The following ALLC variants were observed in gnomAD, a reference collection of about 807,000 sequenced individuals.
The protein encoded by ALLC is allantoicase, also known as probable inactive allantoicase.
A neutral mutation model predicts 45.0 loss-of-function variants in ALLC; 40 were observed. The ratio of observed to expected loss-of-function variants is 0.89; its 90% CI spans 0.69 to 1.16. The LOEUF is 1.16. ALLC is among the 50% of genes most tolerant of loss of function. ALLC has a pLI of 0.00. For missense variants in ALLC, 488 were observed against 493.1 expected (o/e 0.99, Z 0.10); for synonymous variants, 176 against 178.1 (o/e 0.99, Z 0.09).
intron 2 of ALLC, among the ~76,000 whole-genome samples, chr2:3,672,037 A>AGTTAGATCCGAGGTCCTCTGGCTCTG (rs1666890483): frequency 2.7e-5 from 2 of 72,816 alleles, no homozygotes; most frequent in Non-Finnish European, 5.3e-5. Context: ...CTCTGGCTCT[A>AGTTAGATCCGAGGTCCTCTGGCTCTG]GTTAGACCTG....
chr2:3,667,496 G>A (rs1421700491), intron 1 of ALLC, among the ~76,000 whole-genome samples: 7 of 152,210 alleles, frequency 4.6e-5, no homozygotes, highest in Non-Finnish European at 1.5e-5. Flanking sequence ...GATACATCGC[G>A]GTTGGCCATA....
At chr2:3,700,642 T>C (rs572734373) in intron 10 of ALLC, among the ~76,000 whole-genome samples, 2 of 152,266 alleles carry the variant, frequency 1.3e-5, no homozygotes, top group East Asian at 1.9e-4. Context: ...AATAATATAG[T>C]AGGTTATATC....
chr2:3,674,520 T>C (rs1214391924), intron 3 of ALLC, among the ~76,000 whole-genome samples: 2 of 152,152 alleles, frequency 1.3e-5, no homozygotes, highest in Non-Finnish European at 2.9e-5. Flanking sequence ...CTGACGAACA[T>C]AGGGAAGAAA....
At chr2:3,654,876 C>T (rs550421821), upstream of ALLC, among the ~76,000 whole-genome samples, 2 of 152,218 alleles carry the variant, frequency 1.3e-5, no homozygotes, top group African/African-American at 2.4e-5. Flanking sequence ...GCGAAGGTTG[C>T]CATGGATAAA....
intron 1 of ALLC, among the ~76,000 whole-genome samples, chr2:3,661,181 G>A (rs1372736716): frequency 1.3e-5 from 2 of 152,098 alleles, no homozygotes; most frequent in African/African-American, 4.8e-5. Flanking sequence ...GTATAATAAT[G>A]TGTGACTCCA....
intron 6 of ALLC, among the ~76,000 whole-genome samples, chr2:3,682,552 G>T (rs2148008500): frequency 6.6e-6 from 1 of 152,290 alleles, no homozygotes; most frequent in Non-Finnish European, 1.5e-5. Flanking sequence ...TTGGGACGGA[G>T]TCTCGCTCTG....
intron 7 of ALLC, 39 bp downstream of exon 7, chr2:3,683,113 CTTTAT>C (rs1228886848): frequency 3.8e-6 from 6 of 1,579,450 alleles, no homozygotes; most frequent in Non-Finnish European, 5.1e-6. Context: ...TCCATGGCTT[CTTTAT>C]TTTATGTTGA....
intron 10 of ALLC, among the ~76,000 whole-genome samples, chr2:3,699,272 G>A (rs560633726): frequency 6.6e-6 from 1 of 152,136 alleles, no homozygotes; most frequent in Non-Finnish European, 1.5e-5. Context: ...TTCTGTTCCT[G>A]CGTTAGTTTG....
chr2:3,665,963 T>C (rs1386897062), intron 1 of ALLC, among the ~76,000 whole-genome samples: 1 of 152,208 alleles, frequency 6.6e-6, no homozygotes, highest in African/African-American at 2.4e-5. Flanking sequence ...TTCTCTTTCT[T>C]TTGATCTCTT....
rs368293033 is a variant in ALLC at position 3,678,516 on chromosome 2, T to C, written c.133T>C (p.Trp45Arg). 6.0e-5 allele frequency: 97 copies of C among 1,613,886 alleles called. No homozygotes were observed. In the African/African-American group the frequency reaches 1.2e-3, roughly 20 times the overall value. ...GCATGAATATACGGAGTTTGGGAAA[T>C]GGATGGATGGCTGGGAGACCAGGAG... ...KEHEYTEFGKWMDGWETRRKR... is the reference protein window; with the variant it reads ...KEHEYTEFGKRMDGWETRRKR... Residue 45 changes from tryptophan to arginine, a missense_variant, in exon 4 of 12, where the codon TGG (tryptophan) becomes CGG (arginine). Physicochemically the swap from Trp to Arg is moderately radical, Grantham distance 101 (BLOSUM62 -3). Transcript: ENST00000252505.
At chr2:3,662,094 C>G (rs993150052) in intron 1 of ALLC, among the ~76,000 whole-genome samples, 12 of 152,220 alleles carry the variant, frequency 7.9e-5, no homozygotes, top group Admixed American at 6.5e-4. Context: ...TCTTTTGAAG[C>G]CTGATTCAAA....
intron 7 of ALLC, among the ~76,000 whole-genome samples, chr2:3,683,561 C>G (rs186588812): frequency 6.6e-6 from 1 of 152,176 alleles, no homozygotes; most frequent in East Asian, 1.9e-4. Context: ...CCTCATCTTC[C>G]CTATCCCAAA....
At chr2:3,666,539 C>A (rs10173297) in intron 1 of ALLC, among the ~76,000 whole-genome samples, 28,984 of 152,166 alleles carry the variant, frequency 0.19, 3,506 homozygotes, top group African/African-American at 0.33. Context: ...ACCCTTCGAC[C>A]CACAGCCTCC....
At chr2:3,651,404 T>A in the ALLC span, among the ~76,000 whole-genome samples, 2 of 36,088 alleles carry the variant, frequency 5.5e-5, no homozygotes, top group Admixed American at 4.2e-4. Flanking sequence ...TGTGTGTGTG[T>A]GTGTGTGTGT....
chr2:3,651,309 TGG>T, the ALLC span, among the ~76,000 whole-genome samples: 4 of 11,606 alleles, frequency 3.4e-4, no homozygotes, highest in East Asian at 2.8e-3. Flanking sequence ...GGTGGGTGGG[TGG>T]GTGGGGGGGG....
intron 5 of ALLC, among the ~76,000 whole-genome samples, chr2:3,681,008 G>A (rs1382482203): frequency 1.3e-5 from 2 of 152,136 alleles, no homozygotes; most frequent in Non-Finnish European, 2.9e-5. Flanking sequence ...ACAATTATGT[G>A]TGTGTTTATA....
chr2:3,666,660 C>A lies in ALLC; in HGVS notation c.-62-4436C>A, dbSNP rs115644134. Among the ~76,000 whole-genome samples, 1,290 of 152,362 alleles carry A rather than the reference C, an allele frequency of 8.5e-3. 22 individuals are homozygous for A. The highest frequency in any genetic ancestry group is 0.03 in the African/African-American group (1,245 of 41,578). ...GCAGCGCGCAGTCAGCATCACCCAG[C>A]CTTGATGAGCACGCCGCGATGCTGC... On this transcript the variant is annotated intron_variant, in intron 1 of 11. Coordinates refer to ENST00000252505, the MANE Select transcript of ALLC (RefSeq NM_018436.4).
chr2:3,656,387 G>A (rs1666439258), upstream of ALLC, among the ~76,000 whole-genome samples: 1 of 152,196 alleles, frequency 6.6e-6, no homozygotes, highest in Non-Finnish European at 1.5e-5. Context: ...CCCACAGATG[G>A]GTCCACAGGA....
At chr2:3,679,169 A>C (rs1667106939) in intron 4 of ALLC, among the ~76,000 whole-genome samples, 1 of 152,246 alleles carries the variant, frequency 6.6e-6, no homozygotes, top group South Asian at 2.1e-4. Flanking sequence ...GTATTACAGA[A>C]ATATTTGATA....
Sources: gnomAD v4.1 joint callset for allele counts (sites outside exome capture counted in the v4.1 genomes callset) on GRCh38, gnomAD v4.1.1 for gene constraint, MANE v1.5 for transcripts, NCBI Gene and HGNC (gene_info 2026-07-23, HGNC 2026-07-21) for gene names.